The following MOGAT1 variants were observed in gnomAD, a reference collection of about 807,000 sequenced individuals.
The protein encoded by MOGAT1 is monoacylglycerol O-acyltransferase 1, also known as 2-acylglycerol O-acyltransferase 1.
Under a neutral mutation model 31.4 loss-of-function variants are expected in MOGAT1, and 32 were observed. The ratio of observed to expected loss-of-function variants is 1.02; its 90% CI spans 0.77 to 1.37. The LOEUF (loss-of-function observed/expected upper bound fraction) is 1.37, where lower values mean the gene tolerates loss of function less well. Ranked by LOEUF, MOGAT1 falls within the 40% of genes most tolerant of loss-of-function variation. The pLI is 0.00. For synonymous variants in MOGAT1, 145 were observed against 144.5 expected (o/e 1.00, Z -0.03); for missense variants, 426 against 402.0 (o/e 1.06, Z -0.51).
chr2:222,694,963 C>A, intron 4 of MOGAT1, 126 bp from the exon 5 acceptor site: 1 of 594,866 alleles, frequency 1.7e-6, no homozygotes, highest in South Asian at 3.0e-5. Flanking sequence ...GTGAAGTTAG[C>A]AATATAGGAA....
intron 1 of MOGAT1, among the ~76,000 whole-genome samples, chr2:222,675,151 C>T (rs1692476313): frequency 1.3e-5 from 2 of 152,244 alleles, no homozygotes; most frequent in Admixed American, 1.3e-4. Flanking sequence ...AGTTTGTCTG[C>T]TTCTTTGCAG....
intron 1 of MOGAT1, among the ~76,000 whole-genome samples, chr2:222,673,331 C>CAAAAAAAAAAAAAAAA (rs57706625): frequency 2.0e-5 from 2 of 102,238 alleles, no homozygotes; most frequent in Non-Finnish European, 3.6e-5. Flanking sequence ...TAGAATTTAC[C>CAAAAAAAAAAAAAAAA]AAAAAAAAAA....
At chr2:222,702,093 T>A (rs1156516459) in intron 5 of MOGAT1, among the ~76,000 whole-genome samples, 1 of 152,242 alleles carries the variant, frequency 6.6e-6, no homozygotes, top group East Asian at 1.9e-4. Flanking sequence ...TCTAGTTCCC[T>A]GTGTAAGTAA....
At chr2:222,708,897 T>C (rs1693069909) in intron 5 of MOGAT1, among the ~76,000 whole-genome samples, 1 of 152,242 alleles carries the variant, frequency 6.6e-6, no homozygotes, top group Non-Finnish European at 1.5e-5. Flanking sequence ...ATTACATGGT[T>C]TATTTAACAG....
intron 5 of MOGAT1, among the ~76,000 whole-genome samples, chr2:222,706,001 C>T (rs900719451): frequency 4.6e-5 from 7 of 152,186 alleles, no homozygotes; most frequent in African/African-American, 9.6e-5. Context: ...CTCTCTAATC[C>T]GGTTTGGGGT....
At chr2:222,675,481 C>CTTTTTTT (rs66486955) in intron 1 of MOGAT1, among the ~76,000 whole-genome samples, 7 of 133,374 alleles carry the variant, frequency 5.2e-5, no homozygotes, top group Admixed American at 7.8e-5. Context: ...TTTTCTTTTT[C>CTTTTTTT]TTTTTTTTTT....
chr2:222,709,691 G>A (rs1478883925), intron 5 of MOGAT1, 45 bp from the exon 6 acceptor site: 1 of 1,586,484 alleles, frequency 6.3e-7, no homozygotes, highest in Non-Finnish European at 8.6e-7. Context: ...GTCTGTGGTG[G>A]AGTGGTTTTA....
chr2:222,702,994 C>A (rs1692948770), intron 5 of MOGAT1, among the ~76,000 whole-genome samples: 2 of 152,098 alleles, frequency 1.3e-5, no homozygotes, highest in Admixed American at 1.3e-4. Flanking sequence ...GTAGCGGAGG[C>A]AAAACTTTAC....
At position 222,709,827 on chromosome 2, in the gene MOGAT1, A is replaced by G. The variant is rs142300173; in HGVS notation, c.945A>G (p.Lys315=). The G allele has an allele frequency of 1.0e-3, 1,643 of 1,613,680 alleles. 5 individuals carry two copies. The African/African-American group carries it at 0.012, about 11-fold the overall frequency. ...LHQTYMEELR[K]LFEEHKGKYG... ...AGACCTATATGGAGGAACTTAGGAA[A>G]TTGTTTGAGGAACACAAAGGAAAGT... Residue 315 remains lysine (K), a synonymous_variant, in exon 6 of 6, where the codon AAA becomes AAG. Coordinates refer to ENST00000446656, the MANE Select transcript of MOGAT1 (RefSeq NM_058165.3).
At position 222,671,668 on chromosome 2, in the gene MOGAT1, C is replaced by G; in HGVS notation, c.-118C>G. Reference sequence around the variant, plus strand: ...CGCTGCCTAGCCTCTGCCTTTTCCTCTCCGCCCAGCCAGTGCCCAGCGCGG... The same window carrying G: ...CGCTGCCTAGCCTCTGCCTTTTCCTGTCCGCCCAGCCAGTGCCCAGCGCGG... On this transcript the variant is annotated 5_prime_UTR_variant, in exon 1 of 6. Coordinates refer to ENST00000446656, the MANE Select transcript of MOGAT1 (RefSeq NM_058165.3). 1 of 852,330 alleles carries G rather than the reference C, an allele frequency of 1.2e-6. No individual in the cohort carries two copies. The highest frequency in any genetic ancestry group is 1.7e-5 in the South Asian group (1 of 59,460). The allele number at this position is 852,330 out of a possible 1,614,324, so 52.8% of individuals were successfully genotyped here.
chr2:222,688,371 T>G lies in MOGAT1; in HGVS notation c.122T>G (p.Met41Arg). Residue 41 changes from methionine to arginine, a missense_variant, in exon 2 of 6, where the codon ATG becomes AGG. Physicochemically the swap from Met to Arg is moderately conservative, Grantham distance 91. Coordinates refer to ENST00000446656, the MANE Select transcript of MOGAT1 (RefSeq NM_058165.3). Reference protein sequence around the residue: ...LGPMSIGITVMLIIHNYLFLY... With the variant: ...LGPMSIGITVRLIIHNYLFLY... ...CCGATGTCCATTGGAATCACTGTGA[T>G]GCTGATCATACACAACTATTTGTTC... 6.2e-7 allele frequency: 1 copy of G among 1,612,274 alleles called. No individual in the cohort carries two copies. The highest frequency in any genetic ancestry group is 1.7e-5 in the Admixed American group (1 of 59,712).
chr2:222,676,682 A>G (rs1465069865), intron 1 of MOGAT1, among the ~76,000 whole-genome samples: 3 of 152,324 alleles, frequency 2.0e-5, no homozygotes, highest in South Asian at 2.1e-4. Context: ...CCAAAGTATT[A>G]TATCATTTTA....
At chr2:222,689,929 G>T (rs1403383954) in intron 3 of MOGAT1, among the ~76,000 whole-genome samples, 1 of 152,224 alleles carries the variant, frequency 6.6e-6, no homozygotes, top group African/African-American at 2.4e-5. Context: ...TCAACTTGCT[G>T]TCTTCCTAGA....
At chr2:222,701,296 GGAGGAGAGAGAGAGAGA>G (rs1692915453) in intron 5 of MOGAT1, among the ~76,000 whole-genome samples, 1 of 94,598 alleles carries the variant, frequency 1.1e-5, no homozygotes, top group African/African-American at 4.2e-5. Context: ...GAGAGGAGGA[GGAGGAGAGAGAGAGAGA>G]GAGAGAGAGA....
Position 222,694,384 on chromosome 2 carries a change from A to G in MOGAT1, c.501A>G (p.Lys167=). Residue 167 remains lysine (K), a synonymous_variant, in exon 4 of 6, where the codon AAA becomes AAG. Coordinates refer to ENST00000446656, the MANE Select transcript of MOGAT1 (RefSeq NM_058165.3). The part of the protein sequence containing the change: ...MSVGLVSVSK[K]SVSYMVSKEG... ...AAGGGCTGGTTTCAGTTTCCAAGAAAAGTGTGTCCTACATGGTAAGCAAGG... is the reference window on the plus strand; with the variant it reads ...AAGGGCTGGTTTCAGTTTCCAAGAAGAGTGTGTCCTACATGGTAAGCAAGG... 6.2e-7 allele frequency: 1 copy of G among 1,608,828 alleles called. No individual in the cohort carries two copies.
intron 1 of MOGAT1, among the ~76,000 whole-genome samples, chr2:222,682,135 CAT>C (rs1491435413): frequency 9.5e-5 from 14 of 148,014 alleles, no homozygotes; most frequent in Admixed American, 4.7e-4. Flanking sequence ...CACACACACA[CAT>C]ACGTGTGCAC....
At chr2:222,707,251 AAGAG>A (rs1339815980) in intron 5 of MOGAT1, among the ~76,000 whole-genome samples, 1 of 150,306 alleles carries the variant, frequency 6.7e-6, no homozygotes, top group East Asian at 2.0e-4. Flanking sequence ...AGGGGAAAGA[AAGAG>A]AAAGAAAGAG....
chr2:222,687,113 C>CAA lies in MOGAT1; in HGVS notation c.95-1206_95-1205dup, dbSNP rs1177781176. Among the ~76,000 whole-genome samples, 26 of 22,452 alleles carry CAA rather than the reference C, an allele frequency of 1.2e-3. 1 individual carries two copies. Among genetic ancestry groups the CAA allele is most frequent in the East Asian group, 4.8e-3 (2 of 414 alleles). 14.7% of individuals were successfully genotyped at this position (22,452 alleles called of 152,430 possible). On this transcript the variant is annotated intron_variant, in intron 1 of 5. Coordinates refer to ENST00000446656, the MANE Select transcript of MOGAT1 (RefSeq NM_058165.3). ...TGGGCAACAGAGTGAGACTCCATCT[C>CAA]AAAAAAAAAAAAAAAAAAAAAAAAA... is the stretch of plus-strand genomic sequence containing the variant.
intron 1 of MOGAT1, among the ~76,000 whole-genome samples, chr2:222,679,969 T>A (rs573594101): frequency 6.6e-6 from 1 of 152,296 alleles, no homozygotes; most frequent in South Asian, 2.1e-4. Context: ...TTTTCTTCCC[T>A]CTTGTTCTGT....
Sources: gnomAD v4.1 joint callset for allele counts (sites outside exome capture counted in the v4.1 genomes callset) on GRCh38, gnomAD v4.1.1 for gene constraint, MANE v1.5 for transcripts, NCBI Gene and HGNC (gene_info 2026-07-23, HGNC 2026-07-21) for gene names.